The following RGS12 variants were observed in gnomAD, a reference collection of about 807,000 sequenced individuals.
RGS12 encodes the protein regulator of G protein signaling 12.
RGS12 carries 66 observed loss-of-function variants against 120.1 expected under a neutral mutation model. The ratio of observed to expected loss-of-function variants is 0.55; its 90% confidence interval spans 0.45 to 0.67. The LOEUF is 0.67. Among genes scored for constraint, RGS12 ranks in the 30% least tolerant of loss-of-function variants. RGS12 has a pLI of 0.00. For synonymous variants in RGS12, 827 were observed against 804.7 expected (o/e 1.03, Z -0.47); for missense variants, 1,859 against 1,957.7 (o/e 0.95, Z 0.95).
chr4:3,336,751 TA>T (rs1712520681), intron 2 of RGS12, among the ~76,000 whole-genome samples: 1 of 152,078 alleles, frequency 6.6e-6, no homozygotes, highest in African/African-American at 2.4e-5. Flanking sequence ...CTCTACACAT[TA>T]AAAAACGCAA....
rs146388806 is a variant in RGS12, at chr4:3,422,531, C to T, written c.2994C>T (p.Asn998=). ...LSGLCERHGI[N]GAAADLFLVG... is the part of the protein sequence containing the mutation. ...GACTCTGTGAGCGGCATGGCATCAA[C>T]GGGGCGGCCGCGGACCTCTTCCTGG... Residue 998 remains asparagine, a synonymous_variant, in exon 11 of 18, where the codon AAC becomes AAT. Coordinates refer to ENST00000336727, the MANE Select transcript of RGS12 (RefSeq NM_001394154.1). 3.9e-5 allele frequency: 63 copies of T among 1,612,662 alleles called. No individual in the cohort carries two copies. Among genetic ancestry groups the T allele is most frequent in the African/African-American group, 1.5e-4 (11 of 74,950 alleles).
intron 3 of RGS12, among the ~76,000 whole-genome samples, chr4:3,358,896 T>C (rs115827532): frequency 0.027 from 2,180 of 80,582 alleles, 113 homozygotes; most frequent in African/African-American, 0.097. Context: ...CTCCCCCTTC[T>C]CCTCCTCCTT....
intron 6 of RGS12, among the ~76,000 whole-genome samples, chr4:3,415,632 C>T (rs1722301718): frequency 6.6e-6 from 1 of 152,226 alleles, no homozygotes; most frequent in Non-Finnish European, 1.5e-5. Context: ...TTCGGGGCTG[C>T]TTTCGTCTGC....
At chr4:3,306,145 A>T (rs969464066) in intron 1 of RGS12, among the ~76,000 whole-genome samples, 4 of 152,224 alleles carry the variant, frequency 2.6e-5, no homozygotes, top group African/African-American at 9.6e-5. Flanking sequence ...AGAGGCTGTG[A>T]GGCCCACCCT....
chr4:3,371,241 G>C (rs977738860), intron 3 of RGS12, among the ~76,000 whole-genome samples: 1 of 152,208 alleles, frequency 6.6e-6, no homozygotes, highest in Non-Finnish European at 1.5e-5. Flanking sequence ...CGTGAGGCTC[G>C]GGGAGCAGCT....
chr4:3,416,481 A>G (rs1284393576), intron 7 of RGS12, among the ~76,000 whole-genome samples: 1 of 152,202 alleles, frequency 6.6e-6, no homozygotes, highest in Non-Finnish European at 1.5e-5. Context: ...GGTCATGGGC[A>G]TTAGGCCCCA....
Position 3,439,640 on chromosome 4 carries a change from C to T in RGS12, c.4300C>T (p.Pro1434Ser). Residue 1434 changes from proline to serine, a missense_variant, in exon 18 of 18, where the codon CCT becomes TCT. This residue lies in a region of RGS12 where 517 missense variants were observed against 488.5 expected (regional missense o/e 1.06). Coordinates refer to ENST00000336727, the MANE Select transcript of RGS12 (RefSeq NM_001394154.1). ...TGGCTTGGGCCCCGTCCCGGGTGAG[C>T]CTGCTAAGCCCAAGACCAGCGCTCA... ...LPGLGPVPGE[P>S]AKPKTSAHHA... 4 of 1,584,354 alleles carry T rather than the reference C, an allele frequency of 2.5e-6. No homozygotes were observed. The highest frequency in any genetic ancestry group is 3.4e-6 in the Non-Finnish European group (4 of 1,165,540).
intron 3 of RGS12, among the ~76,000 whole-genome samples, chr4:3,362,773 GTT>G (rs1413572029): frequency 2.5e-4 from 36 of 146,926 alleles, no homozygotes; most frequent in African/African-American, 6.4e-4. Context: ...GAGGGTGTGA[GTT>G]AGGGTGTGTG....
At chr4:3,351,917 G>C (rs1343605977) in intron 3 of RGS12, among the ~76,000 whole-genome samples, 1 of 152,142 alleles carries the variant, frequency 6.6e-6, no homozygotes, top group Non-Finnish European at 1.5e-5. Context: ...GACTGCCCTT[G>C]TTAATTGGCC....
intron 17 of RGS12, among the ~76,000 whole-genome samples, chr4:3,435,787 T>G (rs1724754119): frequency 6.6e-6 from 1 of 151,424 alleles, no homozygotes. Context: ...TCCAGCCAGG[T>G]CTTGCAGAGT....
At chr4:3,297,203 C>A (rs1723429540) in intron 1 of RGS12, among the ~76,000 whole-genome samples, 1 of 152,238 alleles carries the variant, frequency 6.6e-6, no homozygotes, top group Non-Finnish European at 1.5e-5. Context: ...GATACGCATA[C>A]ACACTCTACT....
At chr4:3,375,702 C>CCCTCATCTCCAG in intron 3 of RGS12, among the ~76,000 whole-genome samples, 2 of 130,612 alleles carry the variant, frequency 1.5e-5, no homozygotes, top group African/African-American at 2.8e-5. Context: ...TCATCTCCAG[C>CCCTCATCTCCAG]CCTCATCTCC....
At chr4:3,291,392 G>A (rs921324008), upstream of RGS12, among the ~76,000 whole-genome samples, 2 of 142,652 alleles carry the variant, frequency 1.4e-5, no homozygotes, top group African/African-American at 2.7e-5. Flanking sequence ...TGTCACCTAG[G>A]CTGGAGTGCA....
intron 4 of RGS12, among the ~76,000 whole-genome samples, chr4:3,404,163 G>A (rs56067324): frequency 0.037 from 5,626 of 152,004 alleles, 165 homozygotes; most frequent in African/African-American, 0.082. Context: ...AAGCTCCTTC[G>A]TCTACACTTG....
At chr4:3,425,372 C>T in intron 13 of RGS12, 92 bp from the exon 14 acceptor site, 1 of 1,151,734 alleles carries the variant, frequency 8.7e-7, no homozygotes. Context: ...TCCATCAAGC[C>T]TAGGACAGTC....
At chr4:3,339,028 G>C (rs1228052473) in intron 2 of RGS12, among the ~76,000 whole-genome samples, 1 of 152,180 alleles carries the variant, frequency 6.6e-6, no homozygotes, top group Non-Finnish European at 1.5e-5. Flanking sequence ...TTAGTGCTTT[G>C]CAAGAATTGT....
chr4:3,368,322 AGTGTGCCTGTGT>A (rs1004014480), intron 3 of RGS12, among the ~76,000 whole-genome samples: 18 of 151,958 alleles, frequency 1.2e-4, no homozygotes, highest in South Asian at 6.3e-4. Flanking sequence ...TTTCTCTGAA[AGTGTGCCTGTGT>A]GTGTGCCTGT....
At chr4:3,311,794 A>G (rs1230815460) in intron 1 of RGS12, among the ~76,000 whole-genome samples, 2 of 152,230 alleles carry the variant, frequency 1.3e-5, no homozygotes, top group African/African-American at 4.8e-5. Context: ...CGAATCAGAA[A>G]AAATCCACAG....
At chr4:3,300,310 G>A (rs1723612845) in intron 1 of RGS12, among the ~76,000 whole-genome samples, 2 of 152,204 alleles carry the variant, frequency 1.3e-5, no homozygotes, top group Non-Finnish European at 2.9e-5. Context: ...CAGGGTGAGG[G>A]GCTGGCTTGC....
Sources: gnomAD v4.1 joint callset for allele counts (sites outside exome capture counted in the v4.1 genomes callset) on GRCh38, gnomAD v4.1.1 for gene constraint, gnomAD v4.1.1 regional missense constraint, MANE v1.5 for transcripts, NCBI Gene and HGNC (gene_info 2026-07-23, HGNC 2026-07-21) for gene names.